Variants in PRKAG2 observed in about 807,000 individuals in gnomAD.
PRKAG2 encodes protein kinase AMP-activated non-catalytic subunit gamma 2.
A neutral mutation model predicts 69.6 loss-of-function variants in PRKAG2; 26 were observed. That is an observed-to-expected ratio of 0.37 (90% CI 0.27 to 0.52). The LOEUF (loss-of-function observed/expected upper bound fraction) is 0.52, where lower values mean the gene tolerates loss of function less well. PRKAG2 is among the 20% of genes least tolerant of loss of function. PRKAG2 has a pLI of 0.90. For synonymous variants in PRKAG2, 293 were observed against 285.0 expected, an observed-to-expected ratio of 1.03 and a Z score of -0.28; for missense variants, 557 against 740.0, an observed-to-expected ratio of 0.75 and a Z score of 2.87.
At chr7:151,597,225 C>T (rs1814771300) in intron 5 of PRKAG2, among the ~76,000 whole-genome samples, 1 of 152,154 alleles carries the variant, frequency 6.6e-6, no homozygotes, top group Admixed American at 6.5e-5. Flanking sequence ...TATCCACATG[C>T]AGAAAAATGA....
intron 3 of PRKAG2, among the ~76,000 whole-genome samples, chr7:151,773,780 T>C (rs1305062724): frequency 6.6e-6 from 1 of 152,172 alleles, no homozygotes; most frequent in Non-Finnish European, 1.5e-5. Flanking sequence ...ACTTGCAAAA[T>C]CTTTTGAAGC....
At chr7:151,842,491 A>AGGTAGGGAT (rs1170424955) in intron 1 of PRKAG2, among the ~76,000 whole-genome samples, 3 of 140,822 alleles carry the variant, frequency 2.1e-5, no homozygotes, top group African/African-American at 8.8e-5. Context: ...TAGCGATGGT[A>AGGTAGGGAT]GGTAGGGATG....
chr7:151,614,242 C>G lies in PRKAG2; in HGVS notation c.754+17827G>C, dbSNP rs2151233262. On this transcript the variant is annotated intron_variant, in intron 5 of 15. Transcript: ENST00000287878. This position sits in a 1 kb window ranked among gnomAD's most constrained non-coding sequence, Gnocchi z 4.4. Reference sequence around the variant, plus strand: ...AAGGGATTCCAGGCAGAGGCCTGAGCCCCTCAGATCTGAGGGTATCCTCAG... The same window carrying G: ...AAGGGATTCCAGGCAGAGGCCTGAGGCCCTCAGATCTGAGGGTATCCTCAG... Among the ~76,000 whole-genome samples the G allele has an allele frequency of 6.6e-6, 1 of 152,276 alleles. No individual in the cohort carries two copies. The highest frequency in any genetic ancestry group is 1.5e-5 in the Non-Finnish European group (1 of 68,012).
At position 151,556,802 on chromosome 7, in the gene PRKAG2, C is replaced by T. The variant is rs112179332; in HGVS notation, c.*399G>A. ...AGCTCGGTGTTGTTTCACACGCGTGCGCCCCGGCTGCGGCGGTGACATATT... is the reference window on the plus strand; with the variant it reads ...AGCTCGGTGTTGTTTCACACGCGTGTGCCCCGGCTGCGGCGGTGACATATT... On this transcript the variant is annotated 3_prime_UTR_variant, in exon 16 of 16. Transcript: ENST00000287878. 3.7e-3 allele frequency: 741 copies of T among 199,596 alleles called. 4 individuals are homozygous for T. Among genetic ancestry groups the T allele is most frequent in the African/African-American group, 0.013 (556 of 42,660 alleles). The allele number at this position is 199,596 out of a possible 1,614,324, so 12.4% of individuals were successfully genotyped here.
intron 1 of PRKAG2, among the ~76,000 whole-genome samples, chr7:151,873,270 C>T (rs949349222): frequency 7.5e-4 from 114 of 152,292 alleles, no homozygotes; most frequent in African/African-American, 2.6e-3. Context: ...AGTATCACCC[C>T]CACTTCTACG....
chr7:151,619,344 G>A (rs1369347349), intron 5 of PRKAG2, among the ~76,000 whole-genome samples: 1 of 152,224 alleles, frequency 6.6e-6, no homozygotes, highest in Non-Finnish European at 1.5e-5. Flanking sequence ...GGCAGGTACA[G>A]TGGAGCATCC....
chr7:151,830,279 C>T (rs913044351), intron 1 of PRKAG2, among the ~76,000 whole-genome samples: 2 of 152,006 alleles, frequency 1.3e-5, no homozygotes, highest in Non-Finnish European at 1.5e-5. Context: ...CCACCCTTCC[C>T]GCCACCTGCA....
intron 4 of PRKAG2, among the ~76,000 whole-genome samples, chr7:151,652,921 T>C (rs1406249953): frequency 6.6e-6 from 1 of 152,142 alleles, no homozygotes; most frequent in African/African-American, 2.4e-5. Flanking sequence ...ACCCGGCTTG[T>C]TTGGGTCTCA....
At position 151,614,047 on chromosome 7, in the gene PRKAG2, C is replaced by A. The variant is rs1054786706; in HGVS notation, c.754+18022G>T. Among the ~76,000 whole-genome samples, 1 of 152,168 alleles carries A rather than the reference C, an allele frequency of 6.6e-6. No individual in the cohort carries two copies. Among genetic ancestry groups the A allele is most frequent in the Non-Finnish European group, 1.5e-5 (1 of 68,020 alleles). On this transcript the variant is annotated intron_variant, in intron 5 of 15. Transcript: ENST00000287878. The surrounding 1 kb of genome is among the most constrained non-coding windows in gnomAD (Gnocchi z 4.4). ...CGAACTTCTGACCTCAGGTGATCCA[C>A]CTTACCTCCAACTCAGACACCCCCG...
chr7:151,576,419 C>T lies in PRKAG2; in HGVS notation c.898G>A (p.Gly300Ser). 6.2e-7 allele frequency: 1 copy of T among 1,610,782 alleles called. No homozygotes were observed. Among genetic ancestry groups the T allele is most frequent in the Non-Finnish European group, 8.5e-7 (1 of 1,177,024 alleles). The change falls in exon 7 of 16, where the codon GGT (glycine) becomes AGT (serine). Residue 300 changes from glycine to serine, a missense_variant. Coordinates refer to ENST00000287878, the MANE Select transcript of PRKAG2 (RefSeq NM_016203.4). ...TCCCACAGTGGCGCTGCTCGGACAC[C>T]GTTGGCTACCAAAGCAAAGAAGGCC... ...KKAFFALVANGVRAAPLWESK... is the reference protein window; with the variant it reads ...KKAFFALVANSVRAAPLWESK...
At chr7:151,716,612 T>G (rs79712154) in intron 3 of PRKAG2, among the ~76,000 whole-genome samples, 12,780 of 152,050 alleles carry the variant, frequency 0.084, 1,197 homozygotes, top group African/African-American at 0.22. Context: ...AAGGAGGGTA[T>G]GGGACACTGT....
chr7:151,807,477 C>G lies in PRKAG2; in HGVS notation c.115-20936G>C. ...GCCTCTTGGTGCCAAAGCACCATGG[C>G]GTGTTACACCTATCAGATCGGGCAC... On this transcript the variant is annotated intron_variant, in intron 1 of 15. Coordinates refer to ENST00000287878, the MANE Select transcript of PRKAG2 (RefSeq NM_016203.4). The surrounding 1 kb of genome is among the most constrained non-coding windows in gnomAD (Gnocchi z 4.4). The G allele has an allele frequency of 2.2e-6, 1 of 457,886 alleles. No homozygotes were observed. The highest frequency in any genetic ancestry group is 2.3e-5 in the Admixed American group (1 of 42,594). The allele number at this position is 457,886 out of a possible 1,614,324, so 28.4% of individuals were successfully genotyped here.
chr7:151,837,977 A>G (rs2079184186), intron 1 of PRKAG2, among the ~76,000 whole-genome samples: 1 of 151,762 alleles, frequency 6.6e-6, no homozygotes. Flanking sequence ...CCTTGGAGAC[A>G]CGCACAGGAC....
intron 1 of PRKAG2, among the ~76,000 whole-genome samples, chr7:151,869,733 CA>C (rs2080168399): frequency 1.3e-5 from 2 of 152,264 alleles, no homozygotes; most frequent in Admixed American, 6.5e-5. Flanking sequence ...TGCCGTGCCC[CA>C]CTGAGGACGA....
At chr7:151,593,716 A>G (rs1394637726) in intron 6 of PRKAG2, among the ~76,000 whole-genome samples, 2 of 152,138 alleles carry the variant, frequency 1.3e-5, no homozygotes, top group African/African-American at 2.4e-5. Context: ...TTTCCCTACT[A>G]TAAGATTGTA....
At chr7:151,723,917 C>T (rs1797521913) in intron 3 of PRKAG2, among the ~76,000 whole-genome samples, 3 of 152,308 alleles carry the variant, frequency 2.0e-5, no homozygotes, top group Middle Eastern at 3.4e-3. Flanking sequence ...GAAGCAGCTC[C>T]ATCTTGGGAG....
At chr7:151,685,788 T>G (rs1053159196) in intron 3 of PRKAG2, among the ~76,000 whole-genome samples, 1 of 150,866 alleles carries the variant, frequency 6.6e-6, no homozygotes, top group Non-Finnish European at 1.5e-5. Flanking sequence ...AAAAAAATTC[T>G]AATATGGTGA....
At chr7:151,702,084 A>G (rs1042292392) in intron 3 of PRKAG2, among the ~76,000 whole-genome samples, 2 of 152,292 alleles carry the variant, frequency 1.3e-5, no homozygotes, top group East Asian at 1.9e-4. Flanking sequence ...CGTATTTCCA[A>G]TGCTCAACAG....
At chr7:151,865,027 A>G (rs2080026808) in intron 1 of PRKAG2, among the ~76,000 whole-genome samples, 1 of 152,342 alleles carries the variant, frequency 6.6e-6, no homozygotes, top group East Asian at 1.9e-4. Context: ...AATGTATTAT[A>G]TATGTAAACA....
Sources: gnomAD v4.1 joint callset for allele counts (sites outside exome capture counted in the v4.1 genomes callset) on GRCh38, gnomAD v4.1.1 for gene constraint, Gnocchi (gnomAD v3.1) non-coding constraint, MANE v1.5 for transcripts, NCBI Gene and HGNC (gene_info 2026-07-23, HGNC 2026-07-21) for gene names.